The following GHR variants were observed in gnomAD, a reference collection of about 807,000 sequenced individuals.
The protein encoded by GHR is GH receptor.
A neutral mutation model predicts 67.1 loss-of-function variants in GHR; 35 were observed. The observed-to-expected ratio is 0.52, with a 90% CI of 0.40 to 0.69. GHR has a LOEUF of 0.69. Among genes scored for constraint, GHR ranks in the 30% least tolerant of loss-of-function variants. The pLI is 0.00. For synonymous variants in GHR, 272 were observed against 269.1 expected (o/e 1.01, Z -0.10); for missense variants, 792 against 764.6 (o/e 1.04, Z -0.42).
intron 6 of GHR, among the ~76,000 whole-genome samples, chr5:42,705,403 C>CTT (rs1040583347): frequency 9.2e-5 from 14 of 151,844 alleles, no homozygotes; most frequent in African/African-American, 3.1e-4. Context: ...TTATTTTTTA[C>CTT]TTTTTAACTA....
At chr5:42,588,141 A>C (rs1048529967) in intron 2 of GHR, among the ~76,000 whole-genome samples, 1 of 152,226 alleles carries the variant, frequency 6.6e-6, no homozygotes, top group African/African-American at 2.4e-5. Context: ...GATCATACTG[A>C]TGCAGATTCT....
At position 42,478,121 on chromosome 5, in the gene GHR, C is replaced by G. The variant is rs545267348; in HGVS notation, c.-12+54166C>G. Among the ~76,000 whole-genome samples, 8 of 152,308 alleles carry G rather than the reference C, an allele frequency of 5.3e-5. No homozygotes were observed. The South Asian group carries it at 1.7e-3, about 32-fold the overall frequency. On this transcript the variant is annotated intron_variant, in intron 1 of 9. Coordinates refer to ENST00000230882, the MANE Select transcript of GHR (RefSeq NM_000163.5). ...ACATATGGCTAGCCAGTATTCCCAG[C>G]ACCATTTATTAAATAGGGAATCCTT...
intron 2 of GHR, among the ~76,000 whole-genome samples, chr5:42,586,917 A>C (rs1030654158): frequency 1.3e-5 from 2 of 152,172 alleles, no homozygotes; most frequent in African/African-American, 4.8e-5. Flanking sequence ...AATAACATGA[A>C]AAGGGAAAGG....
chr5:42,704,496 A>G (rs575371451), intron 6 of GHR, among the ~76,000 whole-genome samples: 32 of 152,148 alleles, frequency 2.1e-4, no homozygotes, highest in Admixed American at 7.2e-4. Flanking sequence ...TTTATCAGAG[A>G]TATTAGCCCA....
intron 2 of GHR, among the ~76,000 whole-genome samples, chr5:42,599,503 G>A (rs1752254339): frequency 6.6e-6 from 1 of 151,674 alleles, no homozygotes; most frequent in Non-Finnish European, 1.5e-5. Context: ...TGGGATTACA[G>A]GTGCCCACCA....
At chr5:42,534,986 T>C (rs1748193470) in intron 1 of GHR, among the ~76,000 whole-genome samples, 1 of 151,974 alleles carries the variant, frequency 6.6e-6, no homozygotes, top group African/African-American at 2.4e-5. Flanking sequence ...CTTAGCCCAC[T>C]TTTTGATGAG....
At chr5:42,706,932 G>A (rs1034435128) in intron 6 of GHR, among the ~76,000 whole-genome samples, 3 of 152,054 alleles carry the variant, frequency 2.0e-5, no homozygotes, top group Non-Finnish European at 4.4e-5. Context: ...AAATTACATT[G>A]ATAATTTGAT....
intron 1 of GHR, among the ~76,000 whole-genome samples, chr5:42,495,268 A>C (rs1263375658): frequency 6.6e-6 from 1 of 152,076 alleles, no homozygotes; most frequent in African/African-American, 2.4e-5. Context: ...GGCATCAAGC[A>C]TGTACTGGGA....
chr5:42,629,884 C>T (rs1753861213), intron 3 of GHR, among the ~76,000 whole-genome samples: 1 of 131,714 alleles, frequency 7.6e-6, no homozygotes, highest in South Asian at 2.4e-4. Context: ...TTAAACTTGT[C>T]TCTCCAACCA....
In GHR at chr5:42,431,121, C is replaced by A. The variant is rs187825163; in HGVS notation, c.-12+7166C>A. 8.5e-4 allele frequency among the ~76,000 whole-genome samples: 129 copies of A among 152,230 alleles called. 1 individual carries two copies. The highest frequency in any genetic ancestry group is 1.4e-3 in the Non-Finnish European group (96 of 68,002). ...ATCCATTTAATTATCAAATTTCTCT[C>A]TTCTTTTAAATGTAAGCATCAAAAA... On this transcript the variant is annotated intron_variant, in intron 1 of 9. Coordinates refer to ENST00000230882, the MANE Select transcript of GHR (RefSeq NM_000163.5).
intron 9 of GHR, 133 bp downstream of exon 9, chr5:42,718,254 T>A: frequency 1.4e-6 from 1 of 716,682 alleles, no homozygotes; most frequent in African/African-American, 1.9e-5. Flanking sequence ...TGGAGAAAAT[T>A]TTTTTAAATA....
At chr5:42,699,748 G>A in intron 5 of GHR, 76 bp from the exon 6 acceptor site, 1 of 906,376 alleles carries the variant, frequency 1.1e-6, no homozygotes, top group South Asian at 1.3e-5. Context: ...AAGTAATTTG[G>A]TCTTCTGAGA....
At chr5:42,476,065 C>A (rs915082615) in intron 1 of GHR, among the ~76,000 whole-genome samples, 1 of 151,892 alleles carries the variant, frequency 6.6e-6, no homozygotes, top group African/African-American at 2.4e-5. Context: ...CCACCATGCC[C>A]GGCTAATTTT....
chr5:42,465,999 T>C, intron 1 of GHR: 1 of 593,986 alleles, frequency 1.7e-6, no homozygotes, highest in South Asian at 2.1e-5. Context: ...ACTTGTCTTA[T>C]TCCTTCTTCT....
intron 8 of GHR, among the ~76,000 whole-genome samples, chr5:42,716,839 T>C (rs1419520007): frequency 6.6e-6 from 1 of 152,202 alleles, no homozygotes; most frequent in Non-Finnish European, 1.5e-5. Context: ...CCTTATGGAA[T>C]GGACTGGACT....
At chr5:42,518,963 T>C (rs539964869) in intron 1 of GHR, among the ~76,000 whole-genome samples, 20 of 152,336 alleles carry the variant, frequency 1.3e-4, no homozygotes, top group African/African-American at 4.3e-4. Flanking sequence ...TGGTCTAATC[T>C]GGAAAGAGTC....
chr5:42,618,356 A>G (rs1023897461), intron 2 of GHR, among the ~76,000 whole-genome samples: 2 of 152,164 alleles, frequency 1.3e-5, no homozygotes, highest in Admixed American at 6.5e-5. Flanking sequence ...CATTTTTACT[A>G]CATACAAAAG....
intron 2 of GHR, among the ~76,000 whole-genome samples, chr5:42,576,817 A>G (rs143273468): frequency 6.6e-6 from 1 of 152,330 alleles, no homozygotes; most frequent in East Asian, 1.9e-4. Context: ...ATAAAATTAA[A>G]TCTGATTAAT....
intron 1 of GHR, among the ~76,000 whole-genome samples, chr5:42,538,974 A>T (rs1168493782): frequency 6.6e-6 from 1 of 151,890 alleles, no homozygotes; most frequent in South Asian, 2.1e-4. Flanking sequence ...TATTGCTGAG[A>T]CTTTCCAGAG....
Sources: gnomAD v4.1 joint callset for allele counts (sites outside exome capture counted in the v4.1 genomes callset) on GRCh38, gnomAD v4.1.1 for gene constraint, MANE v1.5 for transcripts, NCBI Gene and HGNC (gene_info 2026-07-23, HGNC 2026-07-21) for gene names.